Variants in CTIF observed in about 807,000 individuals in gnomAD.
CTIF encodes CBP80/20-dependent translation initiation factor.
A neutral mutation model predicts 66.0 loss-of-function variants in CTIF; 21 were observed. That is an observed-to-expected ratio of 0.32 (90% CI 0.23 to 0.46). CTIF has a LOEUF of 0.46. CTIF is among the 20% of genes least tolerant of loss of function. The probability of loss-of-function intolerance (pLI) is 1.00; values close to 1 mark genes in which losing one functional copy is unlikely to be tolerated. For missense variants in CTIF, 739 were observed against 812.7 expected, an observed-to-expected ratio of 0.91 and a Z score of 1.10; for synonymous variants, 345 against 326.4, an observed-to-expected ratio of 1.06 and a Z score of -0.62.
chr18:48,619,520 T>C lies in CTIF; in HGVS notation c.-28-18T>C. 1 of 1,403,534 alleles carries C rather than the reference T, an allele frequency of 7.1e-7. No individual in the cohort carries two copies. Among genetic ancestry groups the C allele is most frequent in the Non-Finnish European group, 9.3e-7 (1 of 1,075,484 alleles). The allele number at this position is 1,403,534 out of a possible 1,614,324, so 86.9% of individuals were successfully genotyped here. A position where few individuals can be genotyped will look rare whatever the true frequency, so the allele number is the denominator to read the frequency against. On this transcript the variant is annotated intron_variant, in intron 1 of 11. Transcript: ENST00000256413. The stretch of plus-strand genomic sequence containing the variant: ...TCCAGCAGCGTCTCACGGAGTTCTC[T>C]GTCCTCTTTCCCACCAGTCCCGGCC...
chr18:48,626,537 CG>C (rs1568084195), intron 2 of CTIF, among the ~76,000 whole-genome samples: 1 of 150,074 alleles, frequency 6.7e-6, no homozygotes, highest in Admixed American at 6.6e-5. Context: ...TTAGTAGAGA[CG>C]GAGTTTCACT....
At chr18:48,603,598 G>T (rs997623736) in intron 1 of CTIF, among the ~76,000 whole-genome samples, 28 of 150,056 alleles carry the variant, frequency 1.9e-4, no homozygotes, top group African/African-American at 6.9e-4. Context: ...TGGATAGATG[G>T]ATGAATGGGT....
chr18:48,590,461 A>T (rs1263291099), intron 1 of CTIF, among the ~76,000 whole-genome samples: 2 of 152,242 alleles, frequency 1.3e-5, no homozygotes, highest in African/African-American at 4.8e-5. Flanking sequence ...TCAGAACTGG[A>T]CAGGGCCTCG....
chr18:48,671,091 G>A (rs1012654775), intron 6 of CTIF, among the ~76,000 whole-genome samples: 1 of 152,242 alleles, frequency 6.6e-6, no homozygotes, highest in African/African-American at 2.4e-5. Context: ...GGTGTGTTCA[G>A]GTGGGACTGG....
intron 3 of CTIF, among the ~76,000 whole-genome samples, chr18:48,661,166 T>G (rs1370903593): frequency 1.3e-5 from 2 of 152,194 alleles, no homozygotes; most frequent in African/African-American, 2.4e-5. Context: ...TACAGTCTAC[T>G]TGGGGAAGGT....
At chr18:48,638,179 G>A (rs1555660491) in intron 3 of CTIF, among the ~76,000 whole-genome samples, 1 of 152,092 alleles carries the variant, frequency 6.6e-6, no homozygotes, top group Non-Finnish European at 1.5e-5. Context: ...GTTATTCTGG[G>A]GTCTCCTAAA....
intron 6 of CTIF, among the ~76,000 whole-genome samples, chr18:48,704,782 A>G (rs776286034): frequency 2.6e-5 from 4 of 152,152 alleles, no homozygotes; most frequent in South Asian, 2.1e-4. Context: ...CTCTTTCCCA[A>G]TCAGGCCATT....
At chr18:48,714,266 A>G (rs1206883849) in intron 7 of CTIF, among the ~76,000 whole-genome samples, 2 of 152,156 alleles carry the variant, frequency 1.3e-5, no homozygotes, top group African/African-American at 4.8e-5. Flanking sequence ...GGCTTAAACT[A>G]CACTGGGAGG....
intron 2 of CTIF, among the ~76,000 whole-genome samples, chr18:48,622,171 G>A (rs1355925454): frequency 1.3e-5 from 2 of 152,354 alleles, no homozygotes; most frequent in South Asian, 4.1e-4. Context: ...CAGGACGGGA[G>A]TGGGTACCTG....
intron 1 of CTIF, among the ~76,000 whole-genome samples, chr18:48,544,812 G>A (rs888911098): frequency 2.9e-4 from 44 of 152,172 alleles, no homozygotes; most frequent in African/African-American, 9.2e-4. Context: ...AGTAGTTGTC[G>A]GGCTGCTTTT....
intron 10 of CTIF, among the ~76,000 whole-genome samples, chr18:48,828,133 A>G (rs2068621093): frequency 6.6e-6 from 1 of 152,126 alleles, no homozygotes; most frequent in Non-Finnish European, 1.5e-5. Flanking sequence ...ACAGGATCTG[A>G]TAGAGAGCCT....
At chr18:48,691,470 C>T (rs1484758799) in intron 6 of CTIF, among the ~76,000 whole-genome samples, 1 of 152,224 alleles carries the variant, frequency 6.6e-6, no homozygotes. Flanking sequence ...CTAGATTTCC[C>T]TCCAGTCAGT....
intron 9 of CTIF, among the ~76,000 whole-genome samples, chr18:48,789,721 A>G (rs961393304): frequency 6.6e-6 from 1 of 152,246 alleles, no homozygotes; most frequent in Non-Finnish European, 1.5e-5. Flanking sequence ...TCTAAAATAT[A>G]TATGGAAACT....
At chr18:48,604,168 G>GTTT (rs34544217) in intron 1 of CTIF, among the ~76,000 whole-genome samples, 3,898 of 63,294 alleles carry the variant, frequency 0.062, 1,100 homozygotes, top group East Asian at 0.11. Flanking sequence ...TTTTTTAAGG[G>GTTT]TTTTTTTTTT....
At chr18:48,588,993 T>G (rs1391283928) in intron 1 of CTIF, among the ~76,000 whole-genome samples, 1 of 152,120 alleles carries the variant, frequency 6.6e-6, no homozygotes, top group Non-Finnish European at 1.5e-5. Flanking sequence ...CTCCAGAGGT[T>G]AAGTAGATCC....
chr18:48,567,083 GC>G (rs1216992918), intron 1 of CTIF: 2 of 152,224 alleles, frequency 1.3e-5, no homozygotes, highest in Admixed American at 6.5e-5. Flanking sequence ...TGGGGATATA[GC>G]AGGTGAACAG....
chr18:48,780,533 A>G (rs1911103461), intron 9 of CTIF, among the ~76,000 whole-genome samples: 2 of 152,180 alleles, frequency 1.3e-5, no homozygotes, highest in Non-Finnish European at 2.9e-5. Context: ...TTTATCCAGC[A>G]CGTGGCACAC....
chr18:48,664,563 T>G lies in CTIF; in HGVS notation c.431+12T>G. 1 of 1,606,448 alleles carries G rather than the reference T, an allele frequency of 6.2e-7. No homozygotes were observed. Among genetic ancestry groups the G allele is most frequent in the African/African-American group, 1.3e-5 (1 of 74,992 alleles). ...ATCGACCGCGAAGGGTAAGGGGTGCTGGGGCTCTTACCCAGGGTGGGGTGG... is the reference window on the plus strand; with the variant it reads ...ATCGACCGCGAAGGGTAAGGGGTGCGGGGGCTCTTACCCAGGGTGGGGTGG... On this transcript the variant is annotated intron_variant, in intron 5 of 11. Coordinates refer to ENST00000256413, the MANE Select transcript of CTIF (RefSeq NM_014772.3).
chr18:48,587,370 G>A (rs1032933237), intron 1 of CTIF, among the ~76,000 whole-genome samples: 3 of 152,072 alleles, frequency 2.0e-5, no homozygotes, highest in Admixed American at 2.0e-4. Context: ...ATGAGCCACC[G>A]CGCCTGGCTG....
Sources: allele counts gnomAD v4.1 joint callset (sites outside exome capture counted in the v4.1 genomes callset), GRCh38; gene constraint gnomAD v4.1.1; transcripts MANE v1.5; gene names NCBI Gene and HGNC (gene_info 2026-07-23, HGNC 2026-07-21).